Variants in TOP3A observed in about 807,000 individuals in gnomAD.
TOP3A encodes DNA topoisomerase III alpha, also known as DNA topoisomerase 3-alpha.
Under a neutral mutation model 111.3 loss-of-function variants are expected in TOP3A, and 64 were observed. The observed-to-expected ratio is 0.57, with a 90% CI of 0.47 to 0.71. The LOEUF (loss-of-function observed/expected upper bound fraction) is 0.71, where lower values mean the gene tolerates loss of function less well. Among genes scored for constraint, TOP3A ranks in the 30% least tolerant of loss-of-function variants. The pLI, the probability that TOP3A is intolerant of heterozygous loss-of-function variation, is 0.00. For synonymous variants in TOP3A, 484 were observed against 485.1 expected (o/e 1.00, Z 0.03); for missense variants, 1,104 against 1,285.0 (o/e 0.86, Z 2.15).
chr17:18,283,343 T>C (rs1979887626), intron 15 of TOP3A, among the ~76,000 whole-genome samples: 1 of 151,556 alleles, frequency 6.6e-6, no homozygotes, highest in African/African-American at 2.4e-5. Context: ...CACCCTAGCC[T>C]GGGCAACAAG....
intron 3 of TOP3A, 132 bp from the exon 4 acceptor site, chr17:18,307,098 G>A: frequency 1.6e-6 from 1 of 628,114 alleles, no homozygotes; most frequent in East Asian, 2.8e-5. Context: ...TTGAAAGTAA[G>A]GCTATGACCC....
At chr17:18,286,201 A>C (rs1331263275) in intron 13 of TOP3A, among the ~76,000 whole-genome samples, 4 of 140,204 alleles carry the variant, frequency 2.9e-5, no homozygotes, top group Non-Finnish European at 6.4e-5. Flanking sequence ...CTCTCTTTAA[A>C]AAAAAAAAGA....
chr17:18,284,696 G>T (rs1201089101), intron 15 of TOP3A, among the ~76,000 whole-genome samples: 1 of 151,902 alleles, frequency 6.6e-6, no homozygotes, highest in African/African-American at 2.4e-5. Flanking sequence ...AAAACAAATG[G>T]ATCACACTCC....
At chr17:18,281,219 C>T (rs1011154288) in intron 16 of TOP3A, among the ~76,000 whole-genome samples, 2 of 152,110 alleles carry the variant, frequency 1.3e-5, no homozygotes, top group African/African-American at 4.8e-5. Context: ...AGCTAATATG[C>T]ATGTGATTTA....
intron 11 of TOP3A, among the ~76,000 whole-genome samples, chr17:18,291,808 G>A (rs1449397825): frequency 2.0e-5 from 3 of 151,948 alleles, no homozygotes; most frequent in African/African-American, 7.3e-5. Context: ...TCCGCCTCCT[G>A]GGTTCAAGCG....
chr17:18,310,865 C>A (rs1981867908), intron 1 of TOP3A, among the ~76,000 whole-genome samples: 1 of 152,152 alleles, frequency 6.6e-6, no homozygotes, highest in Admixed American at 6.5e-5. Context: ...GTGTCTCTTC[C>A]CACCACACCA....
At chr17:18,282,900 A>G (rs1249358482) in intron 15 of TOP3A, 59 bp from the exon 16 acceptor site, 2 of 1,602,424 alleles carry the variant, frequency 1.2e-6, no homozygotes, top group African/African-American at 1.3e-5. Flanking sequence ...AGGCACCTAC[A>G]ACACTCTTAC....
intron 9 of TOP3A, among the ~76,000 whole-genome samples, chr17:18,298,082 C>G (rs1980954167): frequency 1.3e-5 from 2 of 151,778 alleles, no homozygotes; most frequent in Admixed American, 1.3e-4. Context: ...GCCGCCCCGT[C>G]TGGGATGTGA....
intron 3 of TOP3A, chr17:18,307,653 A>T (rs954737074): frequency 6.6e-6 from 1 of 152,116 alleles, no homozygotes; most frequent in Admixed American, 6.5e-5. Context: ...ACAGTGGCTC[A>T]CGCCTGTAAT....
In TOP3A at chr17:18,290,948, G is replaced by T. The variant is rs1980438286; in HGVS notation, c.1361C>A (p.Thr454Asn). The T allele has an allele frequency of 6.2e-7, 1 of 1,614,206 alleles. No individual in the cohort carries two copies. Among genetic ancestry groups the T allele is most frequent in the South Asian group, 1.1e-5 (1 of 91,084 alleles). The change falls in exon 12 of 19, where the codon ACC becomes AAC. Residue 454 changes from threonine (T) to asparagine (N), a missense_variant. Thr to Asn is a moderately conservative substitution (Grantham distance 65). Transcript: ENST00000321105. ...CTGAGCGATGTCGATCTCCACTGTGGTCTCCTGCCCCTGAGCATCCTGGGA... is the reference window on the plus strand; with the variant it reads ...CTGAGCGATGTCGATCTCCACTGTGTTCTCCTGCCCCTGAGCATCCTGGGA... ...CCSQDAQGQETTVEIDIAQER... is the reference protein window; with the variant it reads ...CCSQDAQGQENTVEIDIAQER...
chr17:18,302,403 C>T lies in TOP3A; in HGVS notation c.675G>A (p.Arg225=), dbSNP rs1342413933. 1 of 1,612,782 alleles carries T rather than the reference C, an allele frequency of 6.2e-7. No individual in the cohort carries two copies. Among genetic ancestry groups the T allele is most frequent in the African/African-American group, 1.3e-5 (1 of 74,758 alleles). ...GAAFTRFQTL[R]LQRIFPEVLA... ...GCACCTCAGGAAAAATCCTCTGAAG[C>T]CGCAGGGTCTGGAACCTAGTAAAGG... The change falls in exon 7 of 19, where the codon CGG becomes CGA. Residue 225 remains arginine, a synonymous_variant. Coordinates refer to ENST00000321105, the MANE Select transcript of TOP3A (RefSeq NM_004618.5).
Position 18,296,511 on chromosome 17 carries a change from C to CG in TOP3A, c.991-1727dup, listed in dbSNP as rs1389871158. 4.6e-5 allele frequency among the ~76,000 whole-genome samples: 7 copies of CG among 152,192 alleles called. No individual in the cohort carries two copies. The East Asian group carries it at 1.2e-3, about 25-fold the overall frequency. On this transcript the variant is annotated intron_variant, in intron 9 of 18. Transcript: ENST00000321105. ...AGGAGACTCGCTTGAGCCCGGGAGA[C>CG]GGAGGTTGCAGTGAACCAAGATCAC...
At chr17:18,298,035 C>A (rs1199265422) in intron 9 of TOP3A, among the ~76,000 whole-genome samples, 1 of 150,856 alleles carries the variant, frequency 6.6e-6, no homozygotes, top group African/African-American at 2.4e-5. Context: ...TCTGCCCGGC[C>A]GCCCATCGTC....
rs1181675010 is a variant in TOP3A at position 18,271,845 on chromosome 17, C to G, written c.*2957G>C. 2.4e-6 allele frequency: 1 copy of G among 415,078 alleles called. No homozygotes were observed. The highest frequency in any genetic ancestry group is 4.8e-6 in the Non-Finnish European group (1 of 207,982). The allele number at this position is 415,078 out of a possible 1,614,324, so 25.7% of individuals were successfully genotyped here. A position where few individuals can be genotyped will look rare whatever the true frequency, so the allele number is the denominator to read the frequency against. ...TGGGAGGCCGAGGCTGGTAGATCAC[C>G]TGAGGTCACGAGTTTGAGACCAGCC... On this transcript the variant is annotated 3_prime_UTR_variant, in exon 19 of 19. Transcript: ENST00000321105.
In TOP3A at chr17:18,302,707, CT is replaced by C; in HGVS notation, c.515del (p.Gln172ArgfsTer22). The C allele has an allele frequency of 6.2e-7, 1 of 1,613,972 alleles. No individual in the cohort carries two copies. Among genetic ancestry groups the C allele is most frequent in the Non-Finnish European group, 8.5e-7 (1 of 1,179,868 alleles). On this transcript the variant is annotated frameshift_variant, in exon 6 of 19. Transcript: ENST00000321105. LOFTEE classifies it high-confidence loss of function. ...HVCKAVKPNL[Q>X]VLRARFSEIT... ...TCTCAGAGAATCGGGCTCGCAACAC[CT>C]GCAGATTGGGCTTTACTGCAGAACA...
intron 1 of TOP3A, among the ~76,000 whole-genome samples, chr17:18,310,650 A>T (rs1158992527): frequency 6.6e-6 from 1 of 152,148 alleles, no homozygotes; most frequent in Non-Finnish European, 1.5e-5. Context: ...CTTAATGGAT[A>T]TGAGGCTTCC....
At chr17:18,288,594 C>T (rs1980273033) in intron 13 of TOP3A, among the ~76,000 whole-genome samples, 1 of 152,158 alleles carries the variant, frequency 6.6e-6, no homozygotes, top group African/African-American at 2.4e-5. Flanking sequence ...CAAAGTCAGG[C>T]TTGGATCATC....
intron 16 of TOP3A, among the ~76,000 whole-genome samples, chr17:18,282,364 C>A (rs1383244473): frequency 6.6e-6 from 1 of 152,154 alleles, no homozygotes; most frequent in Admixed American, 6.5e-5. Context: ...CACTTATATG[C>A]GGCATAAGTG....
At chr17:18,312,429 G>C (rs78389399) in intron 1 of TOP3A, 2,864 of 153,528 alleles carry the variant, frequency 0.019, 46 homozygotes, top group Non-Finnish European at 0.029. Context: ...CTACTGCACC[G>C]TCAAGACTGT....
Sources: gnomAD v4.1 joint callset for allele counts (sites outside exome capture counted in the v4.1 genomes callset) on GRCh38, gnomAD v4.1.1 for gene constraint, MANE v1.5 for transcripts, NCBI Gene and HGNC (gene_info 2026-07-23, HGNC 2026-07-21) for gene names.